The following EHBP1 variants were observed in gnomAD, a reference collection of about 807,000 sequenced individuals.
EHBP1 encodes the protein EH domain-binding protein 1.
A neutral mutation model predicts 144.0 loss-of-function variants in EHBP1; 55 were observed. That is an observed-to-expected ratio of 0.38 (90% CI 0.31 to 0.48). The LOEUF (loss-of-function observed/expected upper bound fraction) is 0.48, where lower values mean the gene tolerates loss of function less well. Ranked by LOEUF, EHBP1 falls within the 20% of genes least tolerant of loss-of-function variation. The pLI, the probability that EHBP1 is intolerant of heterozygous loss-of-function variation, is 0.98. For missense variants in EHBP1, 1,200 were observed against 1,364.2 expected (o/e 0.88, Z 1.90); for synonymous variants, 469 against 472.7 (o/e 0.99, Z 0.10).
At chr2:62,966,615 C>T (rs545112485) in intron 14 of EHBP1, among the ~76,000 whole-genome samples, 3 of 152,188 alleles carry the variant, frequency 2.0e-5, no homozygotes, top group African/African-American at 7.2e-5. Context: ...TCTGCTTTGG[C>T]ATGAAAATTC....
chr2:62,913,701 A>G lies in EHBP1; in HGVS notation c.1186-29017A>G, dbSNP rs531208663. Reference sequence around the variant, plus strand: ...TTTTGCATCTATGAGCTACTTTTACATTTTATCCAAAGTGGAAAAATGTAT... The same window carrying G: ...TTTTGCATCTATGAGCTACTTTTACGTTTTATCCAAAGTGGAAAAATGTAT... On this transcript the variant is annotated intron_variant, in intron 10 of 22. Transcript: ENST00000431489. 2.1e-3 allele frequency among the ~76,000 whole-genome samples: 326 copies of G among 152,318 alleles called. 3 individuals carry two copies. Among genetic ancestry groups the G allele is most frequent in the African/African-American group, 6.8e-3 (284 of 41,588 alleles).
At chr2:62,747,991 GA>G (rs2039318323) in intron 3 of EHBP1, among the ~76,000 whole-genome samples, 1 of 152,022 alleles carries the variant, frequency 6.6e-6, no homozygotes. Flanking sequence ...TTAGAACTGT[GA>G]GAAAATAGAT....
At chr2:62,873,902 C>T (rs1200376541) in intron 9 of EHBP1, among the ~76,000 whole-genome samples, 1 of 152,108 alleles carries the variant, frequency 6.6e-6, no homozygotes, top group East Asian at 1.9e-4. Context: ...GCTGAATGAA[C>T]TGCTAAAACA....
At chr2:62,750,031 T>C (rs1192965720) in intron 3 of EHBP1, among the ~76,000 whole-genome samples, 3 of 152,244 alleles carry the variant, frequency 2.0e-5, no homozygotes, top group Non-Finnish European at 4.4e-5. Context: ...CCATTGCTTT[T>C]GGTGTTTTAG....
chr2:62,955,674 G>C lies in EHBP1; in HGVS notation c.2460+14G>C. 6.3e-7 allele frequency: 1 copy of C among 1,594,006 alleles called. No individual in the cohort carries two copies. The highest frequency in any genetic ancestry group is 8.5e-7 in the Non-Finnish European group (1 of 1,171,888). ...CAGCTAAGTGATGTGAGGAGCATTG[G>C]TTAAAAAAGACCATAAGTTGTTCAT... On this transcript the variant is annotated intron_variant, in intron 14 of 22. Transcript: ENST00000431489.
At chr2:62,693,089 A>T (rs1277659124) in intron 1 of EHBP1, among the ~76,000 whole-genome samples, 1 of 152,174 alleles carries the variant, frequency 6.6e-6, no homozygotes, top group Admixed American at 6.5e-5. Context: ...TTTAGCTCCC[A>T]TAGATAAGTG....
chr2:62,890,835 G>A (rs2052398144), intron 10 of EHBP1, among the ~76,000 whole-genome samples: 1 of 152,196 alleles, frequency 6.6e-6, no homozygotes, highest in Non-Finnish European at 1.5e-5. Flanking sequence ...TTGAATTTAT[G>A]TTGTCTGCCT....
intron 7 of EHBP1, among the ~76,000 whole-genome samples, chr2:62,850,645 T>A (rs989326661): frequency 1.3e-5 from 2 of 152,144 alleles, no homozygotes; most frequent in African/African-American, 4.8e-5. Flanking sequence ...CGTTTTCAAT[T>A]TTCTGTGAAA....
At chr2:62,884,315 G>T (rs1008751732) in intron 10 of EHBP1, among the ~76,000 whole-genome samples, 3 of 152,162 alleles carry the variant, frequency 2.0e-5, no homozygotes, top group African/African-American at 4.8e-5. Context: ...GGTGAGTAAT[G>T]AGATCACTTA....
At chr2:62,829,141 A>G (rs2046580124) in intron 6 of EHBP1, among the ~76,000 whole-genome samples, 1 of 152,086 alleles carries the variant, frequency 6.6e-6, no homozygotes, top group African/African-American at 2.4e-5. Flanking sequence ...AAAAAAGAAA[A>G]GAATATTTTA....
At position 62,863,441 on chromosome 2, in the gene EHBP1, C is replaced by CA. The variant is rs949946271; in HGVS notation, c.758-1281dup. Among the ~76,000 whole-genome samples the CA allele has an allele frequency of 1.0e-3, 155 of 148,688 alleles. 1 individual carries two copies. Among genetic ancestry groups the CA allele is most frequent in the African/African-American group, 3.3e-3 (134 of 40,514 alleles). ...TGGGCAACAGAGTGAAACTGTGTCT[C>CA]AAAAAAAAATAAAAATGAAAGCACC... On this transcript the variant is annotated intron_variant, in intron 8 of 22. Coordinates refer to ENST00000431489, the MANE Select transcript of EHBP1 (RefSeq NM_001142616.3).
intron 2 of EHBP1, among the ~76,000 whole-genome samples, chr2:62,727,358 G>A (rs1363783577): frequency 1.5e-4 from 22 of 150,948 alleles, no homozygotes. Context: ...CTTTTAAAGT[G>A]TACAATTCAG....
In EHBP1 at chr2:62,760,319, T is replaced by C. The variant is rs72807573; in HGVS notation, c.163-3947T>C. Among the ~76,000 whole-genome samples the C allele has an allele frequency of 8.7e-3, 1,328 of 152,282 alleles. 8 individuals are homozygous for C. The highest frequency in any genetic ancestry group is 0.011 in the Non-Finnish European group (730 of 67,998). ...TTACAGTGTCTTAACTCAGCCAGGT[T>C]GTACAGCCCCAGAAGGAATATCAAA... On this transcript the variant is annotated intron_variant, in intron 3 of 22. Transcript: ENST00000431489.
At chr2:62,956,602 CTT>C (rs1274796633) in intron 14 of EHBP1, among the ~76,000 whole-genome samples, 4 of 149,828 alleles carry the variant, frequency 2.7e-5, no homozygotes, top group Non-Finnish European at 5.9e-5. Flanking sequence ...GTACCCAACA[CTT>C]TGAGAGGCTG....
At chr2:62,743,866 T>G (rs2038928399) in intron 2 of EHBP1, among the ~76,000 whole-genome samples, 1 of 152,086 alleles carries the variant, frequency 6.6e-6, no homozygotes, top group Non-Finnish European at 1.5e-5. Context: ...ACTTCAGTCC[T>G]CTGTGCTCTT....
At chr2:62,753,764 C>G (rs1275253391) in intron 3 of EHBP1, among the ~76,000 whole-genome samples, 2 of 152,166 alleles carry the variant, frequency 1.3e-5, no homozygotes, top group Non-Finnish European at 2.9e-5. Context: ...CACTGATACC[C>G]TTTCTTCCAG....
chr2:62,693,422 A>G (rs2033977051), intron 1 of EHBP1, among the ~76,000 whole-genome samples: 1 of 152,092 alleles, frequency 6.6e-6, no homozygotes, highest in African/African-American at 2.4e-5. Flanking sequence ...TATATTCTAG[A>G]TACAAGTACC....
intron 2 of EHBP1, among the ~76,000 whole-genome samples, chr2:62,716,133 C>T (rs2035651687): frequency 1.3e-5 from 2 of 151,958 alleles, no homozygotes; most frequent in South Asian, 2.1e-4. Context: ...CCATTTCTTG[C>T]CCCACCCATT....
At chr2:62,994,124 G>A (rs753162704) in intron 18 of EHBP1, 147 bp downstream of exon 18, 128 of 495,578 alleles carry the variant, frequency 2.6e-4, no homozygotes, top group Middle Eastern at 2.1e-3. Flanking sequence ...GGGGTGCACT[G>A]TTGAATTAGT....
Sources: gnomAD v4.1 joint callset for allele counts (sites outside exome capture counted in the v4.1 genomes callset) on GRCh38, gnomAD v4.1.1 for gene constraint, MANE v1.5 for transcripts, NCBI Gene and HGNC (gene_info 2026-07-23, HGNC 2026-07-21) for gene names.